Variants in LIN9 observed in about 807,000 individuals in gnomAD.
The protein encoded by LIN9 is lin-9 DREAM MuvB core complex component.
Under a neutral mutation model 78.0 loss-of-function variants are expected in LIN9, and 18 were observed. The observed-to-expected ratio is 0.23, with a 90% CI of 0.16 to 0.34. LIN9 has a LOEUF of 0.34. Among genes scored for constraint, LIN9 ranks in the 10% least tolerant of loss-of-function variants. The pLI is 1.00. For missense variants in LIN9, 451 were observed against 644.1 expected, an observed-to-expected ratio of 0.70 and a Z score of 3.25; for synonymous variants, 192 against 215.2, an observed-to-expected ratio of 0.89 and a Z score of 0.94.
At chr1:226,296,006 A>G (rs1662123991) in intron 3 of LIN9, 60 bp from the exon 4 acceptor site, 2 of 1,086,198 alleles carry the variant, frequency 1.8e-6, no homozygotes, top group Non-Finnish European at 2.8e-6. Context: ...TTGTTCCAAA[A>G]TACAATTCTA....
rs768328040 is a variant in LIN9, at chr1:226,233,365, T to C, written c.1404A>G (p.Thr468=). 1.1e-5 allele frequency: 17 copies of C among 1,612,230 alleles called. No individual in the cohort carries two copies. The highest frequency in any genetic ancestry group is 1.2e-5 in the Non-Finnish European group (14 of 1,179,238). ...ENLTDLISRL[T]AILLQIKCLA... is the part of the protein sequence containing the mutation. ...TTACCTTAATTTGTAACAAAATAGC[T>C]GTAAGCCTGGAAATTAAGTCTGTCA... The change falls in exon 13 of 15, where the codon ACA becomes ACG. Residue 468 remains threonine, a synonymous_variant. Coordinates refer to ENST00000681046, the MANE Select transcript of LIN9 (RefSeq NM_001366245.2).
chr1:226,241,427 C>T (rs920942651), intron 11 of LIN9, among the ~76,000 whole-genome samples: 2 of 152,028 alleles, frequency 1.3e-5, no homozygotes, highest in Admixed American at 6.6e-5. Flanking sequence ...TCTCTTACAG[C>T]GAATTTGAGG....
At chr1:226,289,437 A>C (rs1176761895) in intron 4 of LIN9, among the ~76,000 whole-genome samples, 1 of 152,008 alleles carries the variant, frequency 6.6e-6, no homozygotes. Flanking sequence ...AACATTGCTC[A>C]CTACAGCCTT....
chr1:226,245,858 T>G (rs1010865170), intron 11 of LIN9, among the ~76,000 whole-genome samples: 2 of 152,222 alleles, frequency 1.3e-5, no homozygotes, highest in African/African-American at 4.8e-5. Context: ...TGAGCCATTA[T>G]ACCCAGCCCC....
chr1:226,280,600 A>ACC (rs1379517804), intron 6 of LIN9, among the ~76,000 whole-genome samples: 1 of 152,076 alleles, frequency 6.6e-6, no homozygotes, highest in Admixed American at 6.6e-5. Flanking sequence ...ATATGGTGAA[A>ACC]CCCATCTCTA....
intron 1 of LIN9, among the ~76,000 whole-genome samples, chr1:226,306,817 T>C (rs1386745820): frequency 6.6e-6 from 1 of 152,220 alleles, no homozygotes; most frequent in Non-Finnish European, 1.5e-5. Flanking sequence ...TTCAAGACCC[T>C]GCTCTAGTTT....
intron 6 of LIN9, among the ~76,000 whole-genome samples, chr1:226,280,552 C>T (rs564177764): frequency 2.0e-5 from 3 of 152,110 alleles, no homozygotes; most frequent in South Asian, 4.1e-4. Context: ...CCGAGGTGGG[C>T]GGATCATGAG....
At chr1:226,262,117 C>T (rs1304195524) in intron 10 of LIN9, among the ~76,000 whole-genome samples, 1 of 152,146 alleles carries the variant, frequency 6.6e-6, no homozygotes, top group African/African-American at 2.4e-5. Flanking sequence ...AAAAACCTTA[C>T]ACCTTTCACA....
intron 6 of LIN9, among the ~76,000 whole-genome samples, chr1:226,283,048 T>C (rs1431133147): frequency 4.6e-5 from 7 of 152,148 alleles, no homozygotes; most frequent in Non-Finnish European, 1.0e-4. Context: ...TCTCAAGTCC[T>C]GGGTTCAAGT....
intron 2 of LIN9, among the ~76,000 whole-genome samples, chr1:226,299,528 G>A (rs930395256): frequency 2.7e-5 from 4 of 150,850 alleles, no homozygotes; most frequent in Non-Finnish European, 4.4e-5. Context: ...AAAAAGGCAG[G>A]GGGGAGAGAA....
chr1:226,238,986 T>C lies in LIN9; in HGVS notation c.1230A>G (p.Gln410=), dbSNP rs769207926. Residue 410 remains glutamine, a synonymous_variant, in exon 12 of 15, where the codon CAA becomes CAG. Coordinates refer to ENST00000681046, the MANE Select transcript of LIN9 (RefSeq NM_001366245.2). ...KDLNKVLHKV[Q]QYCYELAPDQ... ...TATCACTTACCTCATAGCAATACTG[T>C]TGAACTTTATGCAAAACTTTGTTTA... The C allele has an allele frequency of 2.5e-6, 4 of 1,613,642 alleles. No homozygotes were observed. In the South Asian group the frequency reaches 4.4e-5, roughly 18 times the overall value.
At chr1:226,252,674 T>C (rs1449892559) in intron 10 of LIN9, among the ~76,000 whole-genome samples, 2 of 151,860 alleles carry the variant, frequency 1.3e-5, no homozygotes, top group East Asian at 3.9e-4. Flanking sequence ...TTACGTTGCT[T>C]AAAAAAAAGA....
rs1346263596 is a variant in LIN9 at position 226,231,235 on chromosome 1, G to T, written c.*1266C>A. ...TATGCATTTCTTAATTAACATAACA[G>T]TTTAGCTAAATATAAACTCTGCACT... On this transcript the variant is annotated 3_prime_UTR_variant, in exon 15 of 15. Coordinates refer to ENST00000681046, the MANE Select transcript of LIN9 (RefSeq NM_001366245.2). The T allele has an allele frequency of 1.3e-5, 2 of 152,462 alleles. No individual in the cohort carries two copies. The highest frequency in any genetic ancestry group is 2.9e-5 in the Non-Finnish European group (2 of 67,994). 9.4% of individuals were successfully genotyped at this position (152,462 alleles called of 1,614,324 possible). A position where few individuals can be genotyped will look rare whatever the true frequency, so the allele number is the denominator to read the frequency against.
intron 6 of LIN9, among the ~76,000 whole-genome samples, chr1:226,279,165 G>GA (rs531477613): frequency 1.3e-4 from 20 of 149,894 alleles, no homozygotes; most frequent in Admixed American, 4.7e-4. Flanking sequence ...CGTCTTGGGG[G>GA]AAAAAAAAAT....
intron 6 of LIN9, among the ~76,000 whole-genome samples, chr1:226,285,190 C>A (rs1661318433): frequency 6.6e-6 from 1 of 152,154 alleles, no homozygotes; most frequent in East Asian, 1.9e-4. Flanking sequence ...CAATATCCCA[C>A]TCTGATGGAC....
intron 4 of LIN9, among the ~76,000 whole-genome samples, chr1:226,291,234 CAATTTAAATGCTCCCAA>C (rs1229319109): frequency 6.6e-6 from 1 of 151,974 alleles, no homozygotes; most frequent in African/African-American, 2.4e-5. Context: ...AATTTACGAA[CAATTTAAATGCTCCCAA>C]ATGGGAGAAT....
chr1:226,236,308 C>A (rs1481937134), intron 12 of LIN9, among the ~76,000 whole-genome samples: 2 of 151,058 alleles, frequency 1.3e-5, no homozygotes, highest in Non-Finnish European at 2.9e-5. Context: ...ATTACCAATG[C>A]CCCAGACCCC....
chr1:226,274,465 A>C (rs1028382537), intron 7 of LIN9, among the ~76,000 whole-genome samples: 1 of 152,108 alleles, frequency 6.6e-6, no homozygotes, highest in African/African-American at 2.4e-5. Flanking sequence ...GGTTTTGTGT[A>C]TATGTGGGTA....
At chr1:226,234,895 T>A (rs919670918) in intron 12 of LIN9, among the ~76,000 whole-genome samples, 1 of 85,792 alleles carries the variant, frequency 1.2e-5, no homozygotes, top group Admixed American at 1.2e-4. Context: ...TATCCTAAAT[T>A]TTTTTTTTTT....
Sources: gnomAD v4.1 joint callset for allele counts (sites outside exome capture counted in the v4.1 genomes callset) on GRCh38, gnomAD v4.1.1 for gene constraint, MANE v1.5 for transcripts, NCBI Gene and HGNC (gene_info 2026-07-23, HGNC 2026-07-21) for gene names.